The following TECPR2 variants were observed in gnomAD, a reference collection of about 807,000 sequenced individuals.
TECPR2 encodes tectonin beta-propeller repeat containing 2.
In TECPR2, 65 loss-of-function variants were observed where a neutral mutation model predicts 138.1. The observed-to-expected ratio is 0.47, with a 90% CI of 0.39 to 0.58. TECPR2 has a LOEUF of 0.58. Among genes scored for constraint, TECPR2 ranks in the 20% least tolerant of loss-of-function variants. The probability of loss-of-function intolerance (pLI) is 0.00; values close to 1 mark genes in which losing one functional copy is unlikely to be tolerated. For missense variants in TECPR2, 1,553 were observed against 1,824.5 expected (o/e 0.85, Z 2.71); for synonymous variants, 746 against 749.8 (o/e 0.99, Z 0.08).
chr14:102,415,256 A>G lies in TECPR2; in HGVS notation c.638+463A>G, dbSNP rs550294570. Among the ~76,000 whole-genome samples, 2 of 152,348 alleles carry G rather than the reference A, an allele frequency of 1.3e-5. No individual in the cohort carries two copies. The highest frequency in any genetic ancestry group is 3.9e-4 in the East Asian group (2 of 5,182). ...CTGAGCCCTCCGTTGTGGAAATGGA[A>G]ACACAGATAGAACACTTGTTGACCA... On this transcript the variant is annotated intron_variant, in intron 5 of 19. Coordinates refer to ENST00000359520, the MANE Select transcript of TECPR2 (RefSeq NM_014844.5). This position sits in a 1 kb window ranked among gnomAD's most constrained non-coding sequence, Gnocchi z 4.3.
intron 16 of TECPR2, among the ~76,000 whole-genome samples, chr14:102,460,404 G>A (rs891797393): frequency 1.2e-4 from 18 of 151,684 alleles, no homozygotes; most frequent in Non-Finnish European, 2.2e-4. Flanking sequence ...ACCTAAGGTC[G>A]GGAGTTTGAG....
intron 1 of TECPR2, among the ~76,000 whole-genome samples, chr14:102,363,348 C>T (rs1887236728): frequency 6.6e-6 from 1 of 152,176 alleles, no homozygotes; most frequent in Non-Finnish European, 1.5e-5. Context: ...ATCCGGCGGT[C>T]CGCAGCGGGG....
rs1204272846 is a variant in TECPR2 at position 102,501,978 on chromosome 14, T to G, written c.*3721T>G. On this transcript the variant is annotated 3_prime_UTR_variant, in exon 20 of 20. Coordinates refer to ENST00000359520, the MANE Select transcript of TECPR2 (RefSeq NM_014844.5). ...CCTTGCATCTCGCCACCTCCACTTC[T>G]GTCCTCAAGAACAAGTCCTAGGTCA... The G allele has an allele frequency of 2.0e-5, 3 of 152,264 alleles. No individual in the cohort carries two copies. The East Asian group carries it at 5.8e-4, about 29-fold the overall frequency. 9.4% of individuals were successfully genotyped at this position (152,264 alleles called of 1,614,324 possible).
rs1889595566 is a variant in TECPR2 at position 102,434,383 on chromosome 14, G to A, written c.1566G>A (p.Glu522=). Residue 522 remains glutamate (E), a synonymous_variant, in exon 9 of 20, where the codon GAG becomes GAA. Coordinates refer to ENST00000359520, the MANE Select transcript of TECPR2 (RefSeq NM_014844.5). ...LGSSVDQLSA[E]SPDQESSFNG... ...GTAGCGTGGATCAGTTAAGTGCAGAGTCTCCAGACCAGGAAAGCAGCTTCA... is the reference window on the plus strand; with the variant it reads ...GTAGCGTGGATCAGTTAAGTGCAGAATCTCCAGACCAGGAAAGCAGCTTCA... The A allele has an allele frequency of 1.3e-6, 2 of 1,529,586 alleles. No homozygotes were observed. Among genetic ancestry groups the A allele is most frequent in the African/African-American group, 1.4e-5 (1 of 72,136 alleles). 94.8% of individuals were successfully genotyped at this position (1,529,586 alleles called of 1,614,324 possible). A position where few individuals can be genotyped will look rare whatever the true frequency, so the allele number is the denominator to read the frequency against.
At chr14:102,488,204 CT>C (rs956074734) in intron 17 of TECPR2, among the ~76,000 whole-genome samples, 3 of 150,762 alleles carry the variant, frequency 2.0e-5, no homozygotes, top group African/African-American at 2.4e-5. Flanking sequence ...TCACCTACTA[CT>C]TTTTTTTTGT....
chr14:102,398,091 A>AAAAAAAG (rs1888368494), intron 2 of TECPR2, among the ~76,000 whole-genome samples: 1 of 141,986 alleles, frequency 7.0e-6, no homozygotes, highest in Non-Finnish European at 1.6e-5. Context: ...AAAAAAAAAA[A>AAAAAAAG]GAAAAAAGAA....
chr14:102,492,929 A>G (rs1891187578), intron 17 of TECPR2, among the ~76,000 whole-genome samples: 1 of 152,206 alleles, frequency 6.6e-6, no homozygotes, highest in African/African-American at 2.4e-5. Context: ...GAGACAGGGA[A>G]GTTTTATGTT....
chr14:102,381,533 C>T (rs181034692), intron 2 of TECPR2, among the ~76,000 whole-genome samples: 8 of 152,332 alleles, frequency 5.3e-5, no homozygotes, highest in African/African-American at 1.9e-4. Context: ...AAGATCGTGC[C>T]AGTGCACTCC....
intron 17 of TECPR2, among the ~76,000 whole-genome samples, chr14:102,479,799 G>A (rs746911853): frequency 4.6e-5 from 7 of 152,210 alleles, no homozygotes; most frequent in East Asian, 1.9e-4. Flanking sequence ...AGCCAGCGTC[G>A]CTTGTATGCA....
At chr14:102,497,426 C>A in intron 18 of TECPR2, 144 bp from the exon 19 acceptor site, 2 of 1,214,470 alleles carry the variant, frequency 1.6e-6, no homozygotes, top group Non-Finnish European at 2.2e-6. Flanking sequence ...TCCCTCGGCT[C>A]CTGCCCCAAG....
chr14:102,469,761 G>A (rs796124348), intron 17 of TECPR2, among the ~76,000 whole-genome samples: 5 of 152,204 alleles, frequency 3.3e-5, no homozygotes, highest in African/African-American at 1.2e-4. Context: ...GGAATTCTAG[G>A]AGTTCTTTCT....
intron 2 of TECPR2, among the ~76,000 whole-genome samples, chr14:102,387,848 C>T (rs1453126277): frequency 6.6e-6 from 1 of 152,118 alleles, no homozygotes; most frequent in African/African-American, 2.4e-5. Flanking sequence ...TTTTAAATAG[C>T]ATTCCAGGGA....
chr14:102,422,453 T>C (rs749353833), intron 5 of TECPR2, among the ~76,000 whole-genome samples: 5 of 152,172 alleles, frequency 3.3e-5, no homozygotes, highest in Non-Finnish European at 5.9e-5. Context: ...CTGTGGACGC[T>C]GAGTAGGACG....
At chr14:102,403,749 A>G (rs1283987113) in intron 2 of TECPR2, among the ~76,000 whole-genome samples, 1 of 152,260 alleles carries the variant, frequency 6.6e-6, no homozygotes, top group East Asian at 1.9e-4. Flanking sequence ...ATGAAAAAGA[A>G]ATTAAGAGGA....
Position 102,365,575 on chromosome 14 carries a change from G to A in TECPR2, c.-73+2459G>A, listed in dbSNP as rs186694940. Among the ~76,000 whole-genome samples the A allele has an allele frequency of 7.9e-5, 12 of 152,316 alleles. No homozygotes were observed. In the East Asian group the frequency reaches 1.9e-3, roughly 25 times the overall value. Reference sequence around the variant, plus strand: ...GAAGTACTGATTTGTGCTACAACATGGAGGAACCTTGAGAACATTAGGCTA... The same window carrying A: ...GAAGTACTGATTTGTGCTACAACATAGAGGAACCTTGAGAACATTAGGCTA... On this transcript the variant is annotated intron_variant, in intron 1 of 19. Coordinates refer to ENST00000359520, the MANE Select transcript of TECPR2 (RefSeq NM_014844.5).
At chr14:102,407,300 C>A (rs1327503701) in intron 2 of TECPR2, 38 bp from the exon 3 acceptor site, 3 of 1,555,448 alleles carry the variant, frequency 1.9e-6, no homozygotes, top group Middle Eastern at 1.7e-4. Context: ...TCAAAGCCTG[C>A]ATAGTTACAG....
chr14:102,411,699 C>CAAAAAAAAAAAAAAAAAAAAAAAAAA (rs1173849759), intron 4 of TECPR2, among the ~76,000 whole-genome samples: 3 of 46,874 alleles, frequency 6.4e-5, no homozygotes, highest in African/African-American at 1.3e-4. Context: ...CCATGTTGCT[C>CAAAAAAAAAAAAAAAAAAAAAAAAAA]AAAAAAAAAA....
Position 102,414,735 on chromosome 14 carries a change from C to T in TECPR2, c.580C>T (p.Leu194=). 1 of 1,614,242 alleles carries T rather than the reference C, an allele frequency of 6.2e-7. No homozygotes were observed. Among genetic ancestry groups the T allele is most frequent in the South Asian group, 1.1e-5 (1 of 91,082 alleles). The part of the protein sequence containing the change: ...VLLVSTLQRS[L]LFYTEEKSVR... The stretch of plus-strand genomic sequence containing the variant: ...GCTGGTCTCTACTCTGCAAAGAAGT[C>T]TGCTCTTTTACACTGAAGAAAAGTC... Residue 194 remains leucine (L), a synonymous_variant, in exon 5 of 20, where the codon CTG becomes TTG. Coordinates refer to ENST00000359520, the MANE Select transcript of TECPR2 (RefSeq NM_014844.5).
At position 102,453,049 on chromosome 14, in the gene TECPR2, C is replaced by T. The variant is rs529360361; in HGVS notation, c.3640+422C>T. On this transcript the variant is annotated intron_variant, in intron 16 of 19. Coordinates refer to ENST00000359520, the MANE Select transcript of TECPR2 (RefSeq NM_014844.5). ...TCTATCTCCTCAGGACAGTACCTGG[C>T]GGAGGAGAGTGGCTCAGCACACAGG... Among the ~76,000 whole-genome samples the T allele has an allele frequency of 1.4e-4, 21 of 152,290 alleles. 1 individual carries two copies. In the South Asian group the frequency reaches 1.5e-3, roughly 11 times the overall value.
Sources: allele counts gnomAD v4.1 joint callset (sites outside exome capture counted in the v4.1 genomes callset), GRCh38; gene constraint gnomAD v4.1.1; non-coding constraint Gnocchi (gnomAD v3.1); transcripts MANE v1.5; gene names NCBI Gene and HGNC (gene_info 2026-07-23, HGNC 2026-07-21).